GALNS: variants seen among roughly 807,000 people sequenced by gnomAD.
GALNS encodes galactosamine (N-acetyl)-6-sulfatase, also known as N-acetylgalactosamine-6-sulfatase.
A neutral mutation model predicts 65.9 loss-of-function variants in GALNS; 65 were observed. That is an observed-to-expected ratio of 0.99 (90% CI 0.81 to 1.21). The LOEUF is 1.21. GALNS is among the 50% of genes most tolerant of loss of function. GALNS has a pLI of 0.00. For synonymous variants in GALNS, 346 were observed against 288.9 expected, an observed-to-expected ratio of 1.20 and a Z score of -2.00; for missense variants, 776 against 700.7, an observed-to-expected ratio of 1.11 and a Z score of -1.21.
intron 4 of GALNS, 112 bp from the exon 5 acceptor site, chr16:88,837,877 A>T (rs747538357): frequency 9.0e-7 from 1 of 1,115,990 alleles, no homozygotes; most frequent in Non-Finnish European, 1.3e-6. Context: ...AGCACCCTCC[A>T]GCACTGAGTA....
At chr16:88,829,117 C>T (rs985597594) in intron 9 of GALNS, among the ~76,000 whole-genome samples, 1 of 151,980 alleles carries the variant, frequency 6.6e-6, no homozygotes, top group Admixed American at 6.6e-5. Context: ...GAGTCTCATG[C>T]CAACGTCTCC....
At chr16:88,841,566 A>G (rs1966974185) in intron 3 of GALNS, among the ~76,000 whole-genome samples, 1 of 152,168 alleles carries the variant, frequency 6.6e-6, no homozygotes, top group Non-Finnish European at 1.5e-5. Context: ...GCGATTCCAG[A>G]ACATTCCAGA....
chr16:88,836,110 A>G lies in GALNS; in HGVS notation c.633+91T>C, dbSNP rs2269333. The G allele has an allele frequency of 0.29, 329,623 of 1,135,488 alleles. 59,431 individuals carry two copies. Among genetic ancestry groups the G allele is most frequent in the East Asian group, 0.63 (24,899 of 39,806 alleles). 70.3% of individuals were successfully genotyped at this position (1,135,488 alleles called of 1,614,324 possible). On this transcript the variant is annotated intron_variant, in intron 6 of 13. Coordinates refer to ENST00000268695, the MANE Select transcript of GALNS (RefSeq NM_000512.5). ...GCCTCCCACGGGGTGAGGTTGATGC[A>G]TTCCTGTCCCCACGCCTCCCACAGG...
intron 2 of GALNS, 28 bp from the exon 3 acceptor site, chr16:88,841,999 T>A: frequency 1.3e-6 from 2 of 1,597,546 alleles, no homozygotes; most frequent in Non-Finnish European, 1.7e-6. Context: ...AAACAGAAAC[T>A]GGATAAGAAG....
rs1909405002 is a variant in GALNS at position 88,814,307 on chromosome 16, C to T, written c.*132G>A. On this transcript the variant is annotated 3_prime_UTR_variant, in exon 14 of 14. Transcript: ENST00000268695. ...CCTGGGCAGGTGGAATTGTGCAGTC[C>T]CCCTGCGTCTGCAGGTGCTGTCTGT... The T allele has an allele frequency of 8.4e-7, 1 of 1,197,030 alleles. No individual in the cohort carries two copies. Among genetic ancestry groups the T allele is most frequent in the East Asian group, 2.6e-5 (1 of 39,112 alleles). The allele number at this position is 1,197,030 out of a possible 1,614,324, so 74.2% of individuals were successfully genotyped here.
At chr16:88,829,371 C>T (rs1329570217) in intron 9 of GALNS, among the ~76,000 whole-genome samples, 1 of 152,226 alleles carries the variant, frequency 6.6e-6, no homozygotes, top group Non-Finnish European at 1.5e-5. Flanking sequence ...CCGTGCCCAC[C>T]ACCCATGCTT....
chr16:88,816,394 CAG>C (rs1909628517), intron 13 of GALNS: 1 of 985,334 alleles, frequency 1.0e-6, no homozygotes, highest in African/African-American at 1.7e-5. Context: ...CCCCGAGACT[CAG>C]GGGTCCTGAG....
chr16:88,843,398 C>T (rs1459807654), intron 1 of GALNS: 9 of 393,852 alleles, frequency 2.3e-5, no homozygotes, highest in African/African-American at 6.3e-5. Context: ...CAGGGCAGCA[C>T]GACTCAGTGG....
chr16:88,834,430 CT>C (rs1567529420), intron 8 of GALNS, among the ~76,000 whole-genome samples: 109 of 71,590 alleles, frequency 1.5e-3, no homozygotes, highest in African/African-American at 6.7e-3. Context: ...CAGGGCCCCC[CT>C]CAGCGTGGTC....
At chr16:88,831,056 C>T (rs538517251) in intron 9 of GALNS, among the ~76,000 whole-genome samples, 6 of 152,320 alleles carry the variant, frequency 3.9e-5, no homozygotes, top group South Asian at 2.1e-4. Context: ...GACTGGACCA[C>T]GGATGTCTCC....
At chr16:88,825,778 G>T (rs1307582788) in intron 10 of GALNS, among the ~76,000 whole-genome samples, 3 of 152,042 alleles carry the variant, frequency 2.0e-5, no homozygotes, top group African/African-American at 7.3e-5. Flanking sequence ...GGACGCAGCT[G>T]GGCACCGTCT....
chr16:88,849,178 G>A (rs554566895), intron 1 of GALNS, among the ~76,000 whole-genome samples: 6 of 152,298 alleles, frequency 3.9e-5, no homozygotes, highest in Non-Finnish European at 7.4e-5. Flanking sequence ...ACAGTGGCGC[G>A]ATCTTGGCTC....
chr16:88,842,603 G>C (rs915187219), intron 2 of GALNS, 103 bp downstream of exon 2: 1 of 1,428,742 alleles, frequency 7.0e-7, no homozygotes, highest in African/African-American at 1.4e-5. Context: ...AGTAGGAATA[G>C]ACAAGGTTGA....
chr16:88,848,364 T>C (rs1046973262), intron 1 of GALNS, among the ~76,000 whole-genome samples: 3 of 152,034 alleles, frequency 2.0e-5, no homozygotes, highest in African/African-American at 7.2e-5. Context: ...GGCGCGGTGG[T>C]TCACGCCTGT....
At chr16:88,822,743 G>T (rs1166879679) in intron 11 of GALNS, 33 bp from the exon 12 acceptor site, 1 of 1,608,092 alleles carries the variant, frequency 6.2e-7, no homozygotes, top group South Asian at 1.1e-5. Flanking sequence ...GTGTCCTGGA[G>T]CCCCTGACCT....
intron 1 of GALNS, among the ~76,000 whole-genome samples, chr16:88,854,153 A>G (rs1967644758): frequency 6.6e-6 from 1 of 152,088 alleles, no homozygotes; most frequent in South Asian, 2.1e-4. Context: ...AGACATGCAC[A>G]CTCGTCCTCA....
At chr16:88,815,882 G>A (rs759455854) in intron 13 of GALNS, 50 of 985,266 alleles carry the variant, frequency 5.1e-5, no homozygotes, top group Non-Finnish European at 6.0e-5. Context: ...ATTTCTCAAA[G>A]GCCGCTCAGC....
At chr16:88,840,601 G>A (rs2143004341) in intron 4 of GALNS, 1 of 351,378 alleles carries the variant, frequency 2.8e-6, no homozygotes, top group South Asian at 2.3e-5. Flanking sequence ...CCATCCAACA[G>A]GCCCCTAGGG....
At position 88,837,737 on chromosome 16, in the gene GALNS, G is replaced by C; in HGVS notation, c.451C>G (p.Pro151Ala). 1 of 1,613,978 alleles carries C rather than the reference G, an allele frequency of 6.2e-7. No homozygotes were observed. Among genetic ancestry groups the C allele is most frequent in the Non-Finnish European group, 8.5e-7 (1 of 1,180,000 alleles). ...CACTCATCAAATCCGTGCTTCAGGG[G>C]GTGGAACTGGGGCCTGTGACCCAGA... ...WHLGHRPQFH[P>A]LKHGFDEWFG... The change falls in exon 5 of 14, where the codon CCC becomes GCC. Residue 151 changes from proline (P) to alanine (A), a missense_variant. Transcript: ENST00000268695.
Sources: gnomAD v4.1 joint callset for allele counts (sites outside exome capture counted in the v4.1 genomes callset) on GRCh38, gnomAD v4.1.1 for gene constraint, MANE v1.5 for transcripts, NCBI Gene and HGNC (gene_info 2026-07-23, HGNC 2026-07-21) for gene names.